The following WDPCP variants were observed in gnomAD, a reference collection of about 807,000 sequenced individuals.
The protein encoded by WDPCP is WD repeat containing planar cell polarity effector.
Under a neutral mutation model 93.1 loss-of-function variants are expected in WDPCP, and 71 were observed. That is an observed-to-expected ratio of 0.76 (90% CI 0.63 to 0.93). WDPCP has a LOEUF of 0.93. WDPCP is among the 40% of genes least tolerant of loss of function. WDPCP has a pLI of 0.00. For missense variants in WDPCP, 844 were observed against 887.4 expected, an observed-to-expected ratio of 0.95 and a Z score of 0.62; for synonymous variants, 315 against 315.0, an observed-to-expected ratio of 1.00 and a Z score of 0.00.
intron 1 of WDPCP, among the ~76,000 whole-genome samples, chr2:63,824,991 G>A (rs151033030): frequency 3.4e-4 from 51 of 152,234 alleles, no homozygotes; most frequent in African/African-American, 1.1e-3. Flanking sequence ...AAATATTTGT[G>A]AAAGGTATTA....
intron 13 of WDPCP, among the ~76,000 whole-genome samples, chr2:63,278,108 A>T (rs1412255654): frequency 6.6e-6 from 1 of 152,222 alleles, no homozygotes; most frequent in Non-Finnish European, 1.5e-5. Context: ...TCCAAAAGGA[A>T]TCCTCAAAAC....
intron 12 of WDPCP, among the ~76,000 whole-genome samples, chr2:63,331,543 A>G (rs984955702): frequency 3.9e-5 from 6 of 152,326 alleles, no homozygotes; most frequent in African/African-American, 1.4e-4. Context: ...CATTTATAAT[A>G]AAATTCACCA....
intron 2 of WDPCP, among the ~76,000 whole-genome samples, chr2:63,690,608 G>A (rs1237481126): frequency 1.3e-5 from 2 of 152,076 alleles, no homozygotes; most frequent in African/African-American, 4.8e-5. Context: ...ACAAAAACTA[G>A]GCAGGTGTGG....
intron 2 of WDPCP, among the ~76,000 whole-genome samples, chr2:63,701,989 G>C (rs948237907): frequency 2.0e-5 from 3 of 152,140 alleles, no homozygotes; most frequent in African/African-American, 7.2e-5. Context: ...AAAATAATTA[G>C]ACGAGAATAA....
intron 1 of WDPCP, among the ~76,000 whole-genome samples, chr2:63,493,946 G>T (rs1261052512): frequency 1.3e-5 from 2 of 152,102 alleles, no homozygotes; most frequent in Non-Finnish European, 2.9e-5. Flanking sequence ...AAATCCTTCA[G>T]CTTCTTTAAC....
chr2:63,364,037 C>T (rs1338883489), intron 12 of WDPCP, among the ~76,000 whole-genome samples: 1 of 152,124 alleles, frequency 6.6e-6, no homozygotes, highest in Non-Finnish European at 1.5e-5. Flanking sequence ...GGCAACACAG[C>T]AAGTCCCTGT....
At chr2:63,711,360 A>G (rs1454419473) in intron 2 of WDPCP, 1 of 152,230 alleles carries the variant, frequency 6.6e-6, no homozygotes, top group African/African-American at 2.4e-5. Context: ...ATTTCCAGCA[A>G]GTGGGTTCAT....
At chr2:63,792,451 G>A (rs1281039429) in intron 2 of WDPCP, among the ~76,000 whole-genome samples, 2 of 152,088 alleles carry the variant, frequency 1.3e-5, no homozygotes, top group African/African-American at 2.4e-5. Flanking sequence ...TGGGATTATG[G>A]GGATTACAAT....
chr2:63,632,966 G>T (rs1363074795), intron 3 of WDPCP, among the ~76,000 whole-genome samples: 3 of 152,128 alleles, frequency 2.0e-5, no homozygotes, highest in Non-Finnish European at 2.9e-5. Context: ...AGAAAATTTT[G>T]AAAGTAGCAC....
At chr2:63,192,250 G>A (rs542441479) in intron 14 of WDPCP, among the ~76,000 whole-genome samples, 1 of 152,220 alleles carries the variant, frequency 6.6e-6, no homozygotes, top group Admixed American at 6.5e-5. Context: ...TCTTAGACAA[G>A]TCATTTAATC....
intron 3 of WDPCP, chr2:63,650,650 T>A (rs970885510): frequency 3.3e-5 from 5 of 152,252 alleles, no homozygotes; most frequent in African/African-American, 1.2e-4. Flanking sequence ...CCTGAATTGA[T>A]GCTCTTACTT....
At chr2:63,365,908 T>C (rs1690866490) in intron 12 of WDPCP, among the ~76,000 whole-genome samples, 1 of 152,230 alleles carries the variant, frequency 6.6e-6, no homozygotes, top group African/African-American at 2.4e-5. Flanking sequence ...TTGTGTGTCA[T>C]TCTTCATGAC....
chr2:63,475,546 T>A (rs566928088), intron 6 of WDPCP, among the ~76,000 whole-genome samples: 1 of 152,280 alleles, frequency 6.6e-6, no homozygotes, highest in African/African-American at 2.4e-5. Flanking sequence ...AATTTCCATC[T>A]AATATTTTCA....
rs190798597 is a variant in WDPCP, at chr2:63,195,546, A to T, written c.1916-20714T>A. On this transcript the variant is annotated intron_variant, in intron 14 of 17. Coordinates refer to ENST00000272321, the MANE Select transcript of WDPCP (RefSeq NM_015910.7). The stretch of plus-strand genomic sequence containing the variant: ...TGATCACAGATCACTGCAGCCTCAA[A>T]CTCCTGGGCTTAAGTGATCCTCCTG... Among the ~76,000 whole-genome samples the T allele has an allele frequency of 1.8e-4, 27 of 152,116 alleles. No individual in the cohort carries two copies. In the East Asian group the frequency reaches 5.2e-3, roughly 29 times the overall value.
intron 6 of WDPCP, among the ~76,000 whole-genome samples, chr2:63,482,474 T>C (rs1397266802): frequency 2.6e-5 from 4 of 151,904 alleles, no homozygotes; most frequent in African/African-American, 9.7e-5. Flanking sequence ...TTTACTTACT[T>C]TATAACTAAG....
intron 12 of WDPCP, among the ~76,000 whole-genome samples, chr2:63,371,159 C>A (rs901375268): frequency 6.6e-6 from 1 of 152,134 alleles, no homozygotes; most frequent in African/African-American, 2.4e-5. Context: ...TTGTCAGTAA[C>A]AATTTTGTTT....
chr2:63,416,285 C>T (rs1300282487), intron 9 of WDPCP, among the ~76,000 whole-genome samples: 3 of 151,904 alleles, frequency 2.0e-5, no homozygotes, highest in Admixed American at 6.6e-5. Context: ...CTGCAACCTC[C>T]GCCTCCCGGG....
At chr2:63,300,325 G>C (rs996636562) in intron 13 of WDPCP, among the ~76,000 whole-genome samples, 16 of 152,094 alleles carry the variant, frequency 1.1e-4, no homozygotes, top group Non-Finnish European at 1.9e-4. Flanking sequence ...CCTTGTCTAG[G>C]ATACCAAGTA....
intron 6 of WDPCP, among the ~76,000 whole-genome samples, chr2:63,472,330 C>T (rs1053419360): frequency 2.0e-5 from 3 of 151,616 alleles, no homozygotes; most frequent in Non-Finnish European, 2.9e-5. Context: ...GCCTTCAGTT[C>T]GGGGAAATTT....
Sources: allele counts gnomAD v4.1 joint callset (sites outside exome capture counted in the v4.1 genomes callset), GRCh38; gene constraint gnomAD v4.1.1; transcripts MANE v1.5; gene names NCBI Gene and HGNC (gene_info 2026-07-23, HGNC 2026-07-21).